Variants in ICA1L observed in about 807,000 individuals in gnomAD.
ICA1L encodes islet cell autoantigen 1-like protein.
ICA1L carries 50 observed loss-of-function variants against 61.3 expected under a neutral mutation model. The observed-to-expected ratio is 0.82, with a 90% CI of 0.65 to 1.03. The LOEUF (loss-of-function observed/expected upper bound fraction) is 1.03. Ranked by LOEUF, ICA1L falls within the 50% of genes least tolerant of loss-of-function variation. The pLI, the probability that ICA1L is intolerant of heterozygous loss-of-function variation, is 0.00. For synonymous variants in ICA1L, 161 were observed against 191.3 expected (o/e 0.84, Z 1.31); for missense variants, 508 against 556.7 (o/e 0.91, Z 0.88).
At chr2:202,791,134 C>T (rs1692735371) in intron 10 of ICA1L, among the ~76,000 whole-genome samples, 1 of 152,198 alleles carries the variant, frequency 6.6e-6, no homozygotes, top group Admixed American at 6.5e-5. Context: ...AAAAAGCCAG[C>T]TGGGGTCACC....
At chr2:202,804,675 A>G (rs1693176548) in intron 9 of ICA1L, among the ~76,000 whole-genome samples, 1 of 152,242 alleles carries the variant, frequency 6.6e-6, no homozygotes, top group Non-Finnish European at 1.5e-5. Context: ...TTGATTTAAC[A>G]GATATAACCG....
At chr2:202,859,337 G>GATCT (rs2105887521) in intron 1 of ICA1L, among the ~76,000 whole-genome samples, 1 of 152,276 alleles carries the variant, frequency 6.6e-6, no homozygotes, top group African/African-American at 2.4e-5. Flanking sequence ...CTGAGATACT[G>GATCT]ATCTAGTCCA....
chr2:202,860,850 TTAA>T (rs749600733), intron 1 of ICA1L, among the ~76,000 whole-genome samples: 2 of 152,170 alleles, frequency 1.3e-5, no homozygotes, highest in African/African-American at 2.4e-5. Flanking sequence ...TAACTATATA[TTAA>T]TGTCTGAAAA....
chr2:202,837,682 G>A (rs909870832), intron 1 of ICA1L, among the ~76,000 whole-genome samples: 1 of 149,856 alleles, frequency 6.7e-6, no homozygotes, highest in Non-Finnish European at 1.5e-5. Context: ...TTTGGGCTTA[G>A]TTTGTTCATC....
intron 10 of ICA1L, among the ~76,000 whole-genome samples, chr2:202,792,789 G>GC (rs1692795790): frequency 6.6e-6 from 1 of 152,112 alleles, no homozygotes. Flanking sequence ...GGGCGACAGA[G>GC]TGAGACTCGG....
At chr2:202,833,711 G>A (rs543985029) in intron 1 of ICA1L, among the ~76,000 whole-genome samples, 2 of 152,340 alleles carry the variant, frequency 1.3e-5, no homozygotes, top group African/African-American at 2.4e-5. Context: ...CAGATGTTAT[G>A]TATATCACAG....
intron 1 of ICA1L, among the ~76,000 whole-genome samples, chr2:202,852,819 A>C (rs1694666637): frequency 6.7e-6 from 1 of 150,330 alleles, no homozygotes; most frequent in African/African-American, 2.4e-5. Flanking sequence ...TCTGATGGCC[A>C]GTGATGAAAA....
chr2:202,863,046 CTT>C (rs1239443187), intron 1 of ICA1L, among the ~76,000 whole-genome samples: 2 of 151,836 alleles, frequency 1.3e-5, no homozygotes, highest in Non-Finnish European at 2.9e-5. Flanking sequence ...AATCCCAACA[CTT>C]TGGGAGGCCG....
intron 1 of ICA1L, chr2:202,841,550 C>A: frequency 1.4e-6 from 1 of 713,472 alleles, no homozygotes. Context: ...GTTAAGGGGG[C>A]TCAGCAGGCT....
intron 1 of ICA1L, among the ~76,000 whole-genome samples, chr2:202,864,617 G>A (rs1349825802): frequency 1.3e-5 from 2 of 150,198 alleles, no homozygotes; most frequent in African/African-American, 4.9e-5. Context: ...ATGTGTGTGT[G>A]TATATATATA....
At chr2:202,853,978 C>T (rs866302920) in intron 1 of ICA1L, among the ~76,000 whole-genome samples, 1 of 152,136 alleles carries the variant, frequency 6.6e-6, no homozygotes, top group African/African-American at 2.4e-5. Flanking sequence ...GAAGAAACTG[C>T]ATCAACTAAT....
At chr2:202,790,074 T>G (rs1692701098) in intron 10 of ICA1L, among the ~76,000 whole-genome samples, 1 of 152,226 alleles carries the variant, frequency 6.6e-6, no homozygotes, top group Non-Finnish European at 1.5e-5. Flanking sequence ...TTTCTGTCTA[T>G]AAAACCAACC....
chr2:202,786,212 A>G (rs1415861617), intron 11 of ICA1L, among the ~76,000 whole-genome samples: 1 of 152,208 alleles, frequency 6.6e-6, no homozygotes. Context: ...ACTTCCTTAC[A>G]TTTTTCAAAG....
At chr2:202,841,444 TC>T in intron 1 of ICA1L, 2 of 1,166,902 alleles carry the variant, frequency 1.7e-6, no homozygotes, top group Non-Finnish European at 2.5e-6. Context: ...GTTCTGCTGC[TC>T]CAGGAATTGT....
At chr2:202,787,383 T>A (rs1293452064) in intron 11 of ICA1L, among the ~76,000 whole-genome samples, 1 of 152,174 alleles carries the variant, frequency 6.6e-6, no homozygotes, top group African/African-American at 2.4e-5. Flanking sequence ...GAGTTGATAG[T>A]GGAGAATGAA....
In ICA1L at chr2:202,871,271, CA is replaced by C; in HGVS notation, c.-8+347del. The C allele has an allele frequency of 2.0e-5, 3 of 152,384 alleles. No homozygotes were observed. In the South Asian group the frequency reaches 6.2e-4, roughly 32 times the overall value. 9.4% of individuals were successfully genotyped at this position (152,384 alleles called of 1,614,324 possible). On this transcript the variant is annotated intron_variant, in intron 1 of 12. Coordinates refer to ENST00000358299, the MANE Select transcript of ICA1L (RefSeq NM_001288622.3). ...CGAGGGAAATCACCCAAACGAGCCC[CA>C]GGCTGCCGCGCTCCTTCACTACAGC...
chr2:202,814,867 A>G (rs1172610513), intron 7 of ICA1L, 83 bp from the exon 8 acceptor site: 1 of 929,574 alleles, frequency 1.1e-6, no homozygotes, highest in East Asian at 2.5e-5. Flanking sequence ...TATAAATTCT[A>G]AAGAACCATA....
chr2:202,816,795 A>G (rs1395097368), intron 6 of ICA1L, among the ~76,000 whole-genome samples: 1 of 152,228 alleles, frequency 6.6e-6, no homozygotes, highest in Non-Finnish European at 1.5e-5. Flanking sequence ...TGAAAAATAT[A>G]TGTAAAAATC....
intron 9 of ICA1L, among the ~76,000 whole-genome samples, chr2:202,802,543 C>T (rs1339040634): frequency 6.6e-6 from 1 of 151,908 alleles, no homozygotes; most frequent in African/African-American, 2.4e-5. Context: ...CACATTTAGA[C>T]ACACTGTACT....
Sources: gnomAD v4.1 joint callset for allele counts (sites outside exome capture counted in the v4.1 genomes callset) on GRCh38, gnomAD v4.1.1 for gene constraint, MANE v1.5 for transcripts, NCBI Gene and HGNC (gene_info 2026-07-23, HGNC 2026-07-21) for gene names.